Variants in LEKR1 observed in about 807,000 individuals in gnomAD.
LEKR1 encodes the protein protein LEKR1.
In LEKR1, 59 loss-of-function variants were observed where a neutral mutation model predicts 72.4. The observed-to-expected ratio is 0.82, with a 90% confidence interval of 0.66 to 1.01. The LOEUF (loss-of-function observed/expected upper bound fraction) is 1.01. Among genes scored for constraint, LEKR1 ranks in the 50% least tolerant of loss-of-function variants. LEKR1 has a pLI of 0.00. For missense variants in LEKR1, 728 were observed against 759.2 expected, an observed-to-expected ratio of 0.96 and a Z score of 0.48; for synonymous variants, 257 against 263.2, an observed-to-expected ratio of 0.98 and a Z score of 0.23.
intron 3 of LEKR1, among the ~76,000 whole-genome samples, chr3:156,886,140 G>A (rs1720039267): frequency 6.6e-6 from 1 of 152,144 alleles, no homozygotes; most frequent in Non-Finnish European, 1.5e-5. Context: ...TGCAACCACT[G>A]TGGGGGAGGG....
At chr3:156,924,636 G>A in intron 4 of LEKR1, 2 of 484,862 alleles carry the variant, frequency 4.1e-6, no homozygotes, top group Middle Eastern at 5.0e-4. Context: ...TGTATGATAT[G>A]AGGTAAGAAT....
intron 12 of LEKR1, 118 bp downstream of exon 12, chr3:157,028,520 T>C: frequency 1.2e-6 from 1 of 841,880 alleles, no homozygotes; most frequent in Non-Finnish European, 1.8e-6. Context: ...AATGTTAGTC[T>C]GACCTAAATC....
intron 6 of LEKR1, among the ~76,000 whole-genome samples, chr3:156,966,897 C>A (rs1288537362): frequency 6.6e-6 from 1 of 152,190 alleles, no homozygotes; most frequent in Non-Finnish European, 1.5e-5. Flanking sequence ...CAGACTGACA[C>A]CTCACACAGC....
chr3:156,832,009 G>A (rs1382317593), intron 2 of LEKR1, among the ~76,000 whole-genome samples: 1 of 152,198 alleles, frequency 6.6e-6, no homozygotes, highest in Non-Finnish European at 1.5e-5. Context: ...TACAGCCACT[G>A]TAACTTCTTC....
intron 3 of LEKR1, among the ~76,000 whole-genome samples, chr3:156,886,005 G>A (rs1319430599): frequency 6.6e-6 from 1 of 152,202 alleles, no homozygotes; most frequent in Non-Finnish European, 1.5e-5. Context: ...GGTTATGGGT[G>A]GAGCCACATA....
chr3:156,851,023 G>T (rs1353612357), intron 2 of LEKR1, among the ~76,000 whole-genome samples: 1 of 152,110 alleles, frequency 6.6e-6, no homozygotes, highest in African/African-American at 2.4e-5. Context: ...GTATTACAAT[G>T]ATATTAGTAA....
intron 3 of LEKR1, among the ~76,000 whole-genome samples, chr3:156,862,284 T>C (rs1372154923): frequency 1.3e-5 from 2 of 152,102 alleles, no homozygotes; most frequent in Non-Finnish European, 1.5e-5. Flanking sequence ...TTTTTTCTAT[T>C]CACCTTTCCA....
chr3:156,852,076 G>C (rs1298093400), intron 2 of LEKR1: 1 of 152,134 alleles, frequency 6.6e-6, no homozygotes, highest in African/African-American at 2.4e-5. Context: ...ATGGTTAAAG[G>C]CACAGGTGCT....
chr3:156,960,454 T>C (rs1296753257), intron 6 of LEKR1, among the ~76,000 whole-genome samples: 1 of 152,002 alleles, frequency 6.6e-6, no homozygotes, highest in African/African-American at 2.4e-5. Context: ...CCTGGCTAAT[T>C]TTTGTATTTT....
chr3:156,893,263 G>C (rs1170786672), intron 3 of LEKR1, among the ~76,000 whole-genome samples: 1 of 152,146 alleles, frequency 6.6e-6, no homozygotes, highest in African/African-American at 2.4e-5. Flanking sequence ...GATATCTGGA[G>C]GTCAGATAAG....
chr3:157,000,635 A>G (rs1032532120), intron 9 of LEKR1, among the ~76,000 whole-genome samples: 9 of 152,220 alleles, frequency 5.9e-5, no homozygotes, highest in Admixed American at 2.0e-4. Context: ...GATTGCTAAC[A>G]TCTTAAAGCA....
At chr3:156,862,808 G>T (rs16826866) in intron 3 of LEKR1, among the ~76,000 whole-genome samples, 5 of 151,974 alleles carry the variant, frequency 3.3e-5, no homozygotes, top group Non-Finnish European at 5.9e-5. Context: ...GGTTAAGTTC[G>T]CAGCCGGTGG....
chr3:157,015,379 T>C (rs1733227476), intron 10 of LEKR1, among the ~76,000 whole-genome samples: 2 of 152,188 alleles, frequency 1.3e-5, no homozygotes, highest in Non-Finnish European at 2.9e-5. Context: ...GAATATTGAA[T>C]ACTTGCACAT....
intron 3 of LEKR1, among the ~76,000 whole-genome samples, chr3:156,857,958 G>T (rs553489082): frequency 2.6e-5 from 4 of 152,300 alleles, no homozygotes; most frequent in African/African-American, 9.6e-5. Flanking sequence ...GTTCTTTGAA[G>T]ATTTGGTAGA....
chr3:156,945,046 G>A (rs1726559920), intron 6 of LEKR1, among the ~76,000 whole-genome samples: 2 of 151,726 alleles, frequency 1.3e-5, no homozygotes, highest in South Asian at 2.1e-4. Context: ...CAGTGTTCAA[G>A]GGTTCGCTTT....
At chr3:156,869,835 T>C (rs1043967957) in intron 3 of LEKR1, among the ~76,000 whole-genome samples, 11 of 152,104 alleles carry the variant, frequency 7.2e-5, no homozygotes, top group Admixed American at 2.6e-4. Flanking sequence ...GTTTTATAGT[T>C]TGGGGTCTTA....
intron 2 of LEKR1, among the ~76,000 whole-genome samples, chr3:156,845,130 G>T (rs1211866754): frequency 6.6e-6 from 1 of 151,838 alleles, no homozygotes; most frequent in Non-Finnish European, 1.5e-5. Flanking sequence ...TGCTTATTTG[G>T]CATCTGAATA....
intron 9 of LEKR1, among the ~76,000 whole-genome samples, chr3:156,998,976 G>T (rs1434169238): frequency 6.6e-6 from 1 of 152,090 alleles, no homozygotes; most frequent in East Asian, 1.9e-4. Context: ...ATTGAATCAT[G>T]GGGGCAGTTA....
intron 10 of LEKR1, among the ~76,000 whole-genome samples, chr3:157,024,304 A>G (rs1734045173): frequency 6.6e-6 from 1 of 152,184 alleles, no homozygotes; most frequent in South Asian, 2.1e-4. Context: ...ACAATCTGTG[A>G]CTTCAAAACT....
Sources: allele counts gnomAD v4.1 joint callset (sites outside exome capture counted in the v4.1 genomes callset), GRCh38; gene constraint gnomAD v4.1.1; transcripts MANE v1.5; gene names NCBI Gene and HGNC (gene_info 2026-07-23, HGNC 2026-07-21).